PTPN22: variants seen among roughly 807,000 people sequenced by gnomAD.
PTPN22 encodes protein tyrosine phosphatase non-receptor type 22.
A neutral mutation model predicts 103.3 loss-of-function variants in PTPN22; 85 were observed. That is an observed-to-expected ratio of 0.82 (90% CI 0.69 to 0.99). The LOEUF (loss-of-function observed/expected upper bound fraction) is 0.99. PTPN22 is among the 50% of genes least tolerant of loss of function. The probability of loss-of-function intolerance (pLI) is 0.00; values close to 1 mark genes in which losing one functional copy is unlikely to be tolerated. For synonymous variants in PTPN22, 323 were observed against 310.2 expected (o/e 1.04, Z -0.43); for missense variants, 865 against 936.9 (o/e 0.92, Z 1.00).
intron 11 of PTPN22, among the ~76,000 whole-genome samples, chr1:113,845,811 A>G (rs1313273953): frequency 2.0e-5 from 3 of 152,226 alleles, no homozygotes; most frequent in Non-Finnish European, 4.4e-5. Flanking sequence ...TTGCAATTTC[A>G]TTGTTTGGTC....
At chr1:113,820,496 A>G (rs1661502561) in intron 19 of PTPN22, among the ~76,000 whole-genome samples, 1 of 152,102 alleles carries the variant, frequency 6.6e-6, no homozygotes, top group Non-Finnish European at 1.5e-5. Context: ...ATTTAGGCCA[A>G]TAATCTCCCA....
At position 113,814,759 on chromosome 1, in the gene PTPN22, G is replaced by C. The variant is rs568880332; in HGVS notation, c.*146C>G. On this transcript the variant is annotated 3_prime_UTR_variant, in exon 21 of 21. Coordinates refer to ENST00000359785, the Ensembl canonical transcript of PTPN22. ...CAAAACTGGCACTTATTGGCATTTT[G>C]CTTTTCTTTTAAAAGCTATTAACAC... The C allele has an allele frequency of 7.7e-5, 51 of 663,754 alleles. 2 individuals carry two copies. In the South Asian group the frequency reaches 9.5e-4, roughly 12 times the overall value. The allele number at this position is 663,754 out of a possible 1,614,324, so 41.1% of individuals were successfully genotyped here.
intron 9 of PTPN22, among the ~76,000 whole-genome samples, chr1:113,853,286 A>G (rs1336629248): frequency 1.3e-5 from 2 of 152,064 alleles, no homozygotes; most frequent in Non-Finnish European, 2.9e-5. Context: ...TGGCAACAGT[A>G]GAACAGTGAT....
At chr1:113,843,235 A>G (rs1163377374) in intron 11 of PTPN22, among the ~76,000 whole-genome samples, 1 of 152,102 alleles carries the variant, frequency 6.6e-6, no homozygotes. Context: ...TACAGCAGCC[A>G]AAAAGTGGAA....
At chr1:113,864,923 A>AC (rs1418182873) in intron 1 of PTPN22, among the ~76,000 whole-genome samples, 28 of 150,038 alleles carry the variant, frequency 1.9e-4, no homozygotes, top group African/African-American at 6.8e-4. Flanking sequence ...AAAAAAAAAA[A>AC]AAAAAATTAC....
intron 10 of PTPN22, among the ~76,000 whole-genome samples, chr1:113,851,395 C>A (rs1042321993): frequency 3.3e-5 from 5 of 152,112 alleles, no homozygotes; most frequent in Admixed American, 1.3e-4. Flanking sequence ...CTCAGGTGAT[C>A]CACCCACCTT....
chr1:113,838,539 C>T lies in PTPN22; in HGVS notation c.992+5G>A. On this transcript the variant is annotated splice_donor_5th_base_variant and intron_variant, in intron 12 of 20. Coordinates refer to ENST00000359785, the Ensembl canonical transcript of PTPN22. The stretch of plus-strand genomic sequence containing the variant: ...CAACATTTAGATATATAAAATTGTA[C>T]TCACCTTTTTGGTAAATTAGGAGAA... 1 of 1,611,884 alleles carries T rather than the reference C, an allele frequency of 6.2e-7. No individual in the cohort carries two copies. Among genetic ancestry groups the T allele is most frequent in the Non-Finnish European group, 8.5e-7 (1 of 1,179,470 alleles).
At chr1:113,857,645 T>C in intron 5 of PTPN22, 93 bp downstream of exon 5, 1 of 1,156,600 alleles carries the variant, frequency 8.6e-7, no homozygotes, top group East Asian at 2.5e-5. Flanking sequence ...AAGTTTTATC[T>C]AGGTACACTC....
At chr1:113,866,337 C>T (rs530043964) in intron 1 of PTPN22, among the ~76,000 whole-genome samples, 15 of 152,136 alleles carry the variant, frequency 9.9e-5, no homozygotes, top group Admixed American at 7.2e-4. Flanking sequence ...ATGATGAAAC[C>T]CCATCTCTAC....
At chr1:113,818,173 CT>C (rs897611060) in intron 20 of PTPN22, among the ~76,000 whole-genome samples, 7 of 148,982 alleles carry the variant, frequency 4.7e-5, no homozygotes, top group African/African-American at 7.4e-5. Context: ...TAAATTATAA[CT>C]TTTTTTTTTG....
intron 11 of PTPN22, among the ~76,000 whole-genome samples, chr1:113,844,064 C>A (rs1304489960): frequency 1.3e-5 from 2 of 152,006 alleles, no homozygotes; most frequent in African/African-American, 4.8e-5. Context: ...CTATTTCATT[C>A]CTGATATTGG....
chr1:113,858,886 G>A (rs911896998), intron 3 of PTPN22, 116 bp downstream of exon 3: 10 of 1,456,258 alleles, frequency 6.9e-6, no homozygotes, highest in East Asian at 4.9e-5. Context: ...TGATCTTTCC[G>A]CCTCAGCCTC....
intron 16 of PTPN22, among the ~76,000 whole-genome samples, chr1:113,831,717 G>A (rs757231228): frequency 3.3e-5 from 5 of 152,042 alleles, no homozygotes; most frequent in Middle Eastern, 3.2e-3. Context: ...TCCACTCAGC[G>A]AAACCTTTCC....
chr1:113,843,108 A>AAAAAAAAAAAAAAAAAG (rs1351001407), intron 11 of PTPN22, among the ~76,000 whole-genome samples: 1 of 146,086 alleles, frequency 6.8e-6, no homozygotes, highest in Non-Finnish European at 1.5e-5. Flanking sequence ...TCAAAAAAAA[A>AAAAAAAAAAAAAAAAAG]AAAAAAGAAA....
intron 7 of PTPN22, among the ~76,000 whole-genome samples, chr1:113,856,109 G>A (rs2102101953): frequency 6.6e-6 from 1 of 152,240 alleles, no homozygotes; most frequent in Middle Eastern, 3.4e-3. Flanking sequence ...CACCTCCAGG[G>A]CTTAAATGAT....
At chr1:113,871,489 T>G in intron 1 of PTPN22, 48 bp downstream of exon 1, 1 of 1,527,162 alleles carries the variant, frequency 6.5e-7, no homozygotes, top group South Asian at 1.1e-5. Context: ...CCATAGTCAG[T>G]TAAATAGTGT....
At chr1:113,822,889 G>C (rs1661732434) in intron 19 of PTPN22, among the ~76,000 whole-genome samples, 5 of 152,142 alleles carry the variant, frequency 3.3e-5, no homozygotes, top group African/African-American at 9.7e-5. Context: ...AACCTGGGAG[G>C]GGGAGGTTGC....
In PTPN22 at chr1:113,815,014, T is replaced by A. The variant is rs200242195; in HGVS notation, c.2360-45A>T. On this transcript the variant is annotated intron_variant, in intron 20 of 20. Transcript: ENST00000359785. Reference sequence around the variant, plus strand: ...TGAATGAAAAGAAAGATGTTTTAAGTATAGAAATGAATACTTGGATTTTAG... The same window carrying A: ...TGAATGAAAAGAAAGATGTTTTAAGAATAGAAATGAATACTTGGATTTTAG... The A allele has an allele frequency of 2.5e-5, 35 of 1,393,960 alleles. No individual in the cohort carries two copies. In the African/African-American group the frequency reaches 4.9e-4, roughly 20 times the overall value. 86.3% of individuals were successfully genotyped at this position (1,393,960 alleles called of 1,614,324 possible).
At chr1:113,824,704 A>G (rs1441672151) in intron 19 of PTPN22, among the ~76,000 whole-genome samples, 1 of 152,120 alleles carries the variant, frequency 6.6e-6, no homozygotes, top group Non-Finnish European at 1.5e-5. Flanking sequence ...ATGGGTAGAA[A>G]GTACCAAACA....
Sources: gnomAD v4.1 joint callset for allele counts (sites outside exome capture counted in the v4.1 genomes callset) on GRCh38, gnomAD v4.1.1 for gene constraint, MANE v1.5 for transcripts, NCBI Gene and HGNC (gene_info 2026-07-23, HGNC 2026-07-21) for gene names.